LST1: variants seen among roughly 807,000 people sequenced by gnomAD.
The protein encoded by LST1 is leukocyte-specific transcript 1 protein.
A neutral mutation model predicts 8.5 loss-of-function variants in LST1; 9 were observed. The observed-to-expected ratio is 1.06, with a 90% CI of 0.64 to 1.85. LST1 has a LOEUF of 1.85. Ranked by LOEUF, LST1 falls within the 40% of genes most tolerant of loss-of-function variation. The pLI is 0.00. For missense variants in LST1, 121 were observed against 117.1 expected (o/e 1.03, Z -0.16); for synonymous variants, 53 against 50.4 (o/e 1.05, Z -0.21).
chr6:31,588,405 A>T, intron 4 of LST1, 113 bp from the exon 5 acceptor site: 3 of 565,448 alleles, frequency 5.3e-6, no homozygotes, highest in Non-Finnish European at 8.4e-6. Flanking sequence ...AGAGAGAGGG[A>T]GAGAGAGAGA....
chr6:31,586,435 T>G (rs1415330287), intron 1 of LST1, 120 bp downstream of exon 1: 1 of 152,204 alleles, frequency 6.6e-6, no homozygotes, highest in Admixed American at 6.5e-5. Flanking sequence ...CGAGGAATCC[T>G]CTGAGTCTCT....
In LST1 at chr6:31,588,622, C is replaced by T; in HGVS notation, c.240C>T (p.Thr80=). 4 of 1,613,112 alleles carry T rather than the reference C, an allele frequency of 2.5e-6. No individual in the cohort carries two copies. Among genetic ancestry groups the T allele is most frequent in the East Asian group, 2.2e-5 (1 of 44,880 alleles). ...PDLRGRDKRG[T]KEDPRADYAC... ...TCAGGGGCAGAGACAAGAGAGGCACCAAGGAGGATCCAAGAGCTGACTATG... is the reference window on the plus strand; with the variant it reads ...TCAGGGGCAGAGACAAGAGAGGCACTAAGGAGGATCCAAGAGCTGACTATG... Residue 80 remains threonine, a synonymous_variant, in exon 5 of 5, where the codon ACC becomes ACT. Transcript: ENST00000438075.
chr6:31,587,885 G>A (rs970797472), intron 3 of LST1, 59 bp from the exon 4 acceptor site: 31 of 1,581,024 alleles, frequency 2.0e-5, no homozygotes, highest in African/African-American at 6.7e-5. Flanking sequence ...GGGGGAGCCC[G>A]GGAGGGCCCG....
At chr6:31,588,360 GTC>G in intron 4 of LST1, 156 bp from the exon 5 acceptor site, 1 of 775,082 alleles carries the variant, frequency 1.3e-6, no homozygotes, top group Non-Finnish European at 2.1e-6. Flanking sequence ...GTGGGACTCT[GTC>G]TCCAAAGAAA....
Position 31,588,647 on chromosome 6 carries a change from G to A in LST1, c.265G>A (p.Ala89Thr), listed in dbSNP as rs367776706. The A allele has an allele frequency of 2.9e-5, 46 of 1,613,166 alleles. 1 individual carries two copies. The highest frequency in any genetic ancestry group is 3.3e-4 in the Middle Eastern group (2 of 6,062). The change falls in exon 5 of 5, where the codon GCC (alanine) becomes ACC (threonine). Residue 89 changes from alanine (A) to threonine (T), a missense_variant. Physicochemically the swap from Ala to Thr is moderately conservative, Grantham distance 58. Transcript: ENST00000438075. Reference sequence around the variant, plus strand: ...CAAGGAGGATCCAAGAGCTGACTATGCCTGCATTGCTGAGAACAAACCCAC... The same window carrying A: ...CAAGGAGGATCCAAGAGCTGACTATACCTGCATTGCTGAGAACAAACCCAC... Reference protein sequence around the residue: ...GTKEDPRADYACIAENKPT With the variant: ...GTKEDPRADYTCIAENKPT
chr6:31,587,675 G>T lies in LST1; in HGVS notation c.54G>T (p.Gly18=). The T allele has an allele frequency of 1.2e-6, 2 of 1,603,454 alleles. No individual in the cohort carries two copies. Among genetic ancestry groups the T allele is most frequent in the South Asian group, 1.1e-5 (1 of 89,354 alleles). The change falls in exon 3 of 5, where the codon GGG becomes GGT. Residue 18 remains glycine, a synonymous_variant. Transcript: ENST00000438075. The part of the protein sequence containing the change: ...ICIYGGLGLG[G]LLLLAVVLLS... Reference sequence around the variant, plus strand: ...TCTACGGGGGCCTGGGGCTGGGCGGGCTCCTGCTTCTGGCAGTGGTCCTTC... The same window carrying T: ...TCTACGGGGGCCTGGGGCTGGGCGGTCTCCTGCTTCTGGCAGTGGTCCTTC...
Position 31,588,701 on chromosome 6 carries a change from C to T in LST1, c.*25C>T, listed in dbSNP as rs759133590. 3 of 1,612,966 alleles carry T rather than the reference C, an allele frequency of 1.9e-6. No homozygotes were observed. The highest frequency in any genetic ancestry group is 2.2e-5 in the South Asian group (2 of 91,082). ...AGCACCCCAGACACCTTCCTCAACC[C>T]AGGCGGGTGGACAGGGTCCCCCTGT... On this transcript the variant is annotated 3_prime_UTR_variant, in exon 5 of 5. Transcript: ENST00000438075.
In LST1 at chr6:31,588,809, C is replaced by T; in HGVS notation, c.*133C>T. 1.9e-6 allele frequency: 2 copies of T among 1,054,130 alleles called. No homozygotes were observed. The highest frequency in any genetic ancestry group is 2.9e-6 in the Non-Finnish European group (2 of 691,766). 65.3% of individuals were successfully genotyped at this position (1,054,130 alleles called of 1,614,324 possible). On this transcript the variant is annotated 3_prime_UTR_variant, in exon 5 of 5. Transcript: ENST00000438075. ...ATCTCGAGCCTCCGTTCAAATTGAT[C>T]ATCATCAAAACTTATGTGGCTTTTT...
intron 1 of LST1, among the ~76,000 whole-genome samples, 176 bp downstream of exon 1, chr6:31,586,491 C>T (rs1039646128): frequency 6.6e-6 from 1 of 152,194 alleles, no homozygotes; most frequent in African/African-American, 2.4e-5. Flanking sequence ...GCCCACGGCC[C>T]TTATGGCCTC....
Position 31,588,403 on chromosome 6 carries a change from G to GGAGAGAGA in LST1, c.136-103_136-96dup, listed in dbSNP as rs71663687. 7.0e-5 allele frequency: 38 copies of GGAGAGAGA among 541,760 alleles called. No homozygotes were observed. The Admixed American group carries it at 1.2e-3, about 17-fold the overall frequency. 33.6% of individuals were successfully genotyped at this position (541,760 alleles called of 1,614,324 possible). On this transcript the variant is annotated intron_variant, in intron 4 of 4. Transcript: ENST00000438075. ...GAGAGAGAGAGAGAGAGAGAGAGAG[G>GGAGAGAGA]GAGAGAGAGAGAGAGAGAGGGAGAG...
chr6:31,587,481 A>T (rs1160361833), intron 2 of LST1, 160 bp from the exon 3 acceptor site: 1 of 899,854 alleles, frequency 1.1e-6, no homozygotes, highest in Non-Finnish European at 1.8e-6. Context: ...ACCTGGTAAG[A>T]GGTGAGGTAT....
chr6:31,588,369 G>GAA (rs968047516), intron 4 of LST1, 149 bp from the exon 5 acceptor site: 4 of 772,730 alleles, frequency 5.2e-6, no homozygotes, highest in Admixed American at 6.2e-5. Flanking sequence ...TGTCTCCAAA[G>GAA]AAAAAAGAGA....
In LST1 at chr6:31,587,686, T is replaced by G. The variant is rs1384545474; in HGVS notation, c.65T>G (p.Leu22Arg). Residue 22 changes from leucine (L) to arginine (R), a missense_variant, in exon 3 of 5, where the codon CTG becomes CGG. Leu to Arg is a moderately radical substitution (Grantham distance 102). Coordinates refer to ENST00000438075, the MANE Select transcript of LST1 (RefSeq NM_205839.3). ...CTGGGGCTGGGCGGGCTCCTGCTTC[T>G]GGCAGTGGTCCTTCTGTCCGCCTGC... Reference protein sequence around the residue: ...GGLGLGGLLLLAVVLLSACLC... With the variant: ...GGLGLGGLLLRAVVLLSACLC... 1 of 1,601,696 alleles carries G rather than the reference T, an allele frequency of 6.2e-7. No homozygotes were observed. The highest frequency in any genetic ancestry group is 8.5e-7 in the Non-Finnish European group (1 of 1,175,456).
intron 2 of LST1, 107 bp downstream of exon 2, chr6:31,587,425 G>T: frequency 6.0e-6 from 8 of 1,336,772 alleles, no homozygotes; most frequent in Non-Finnish European, 8.6e-6. Context: ...AGGCCTCTGG[G>T]GACAGCTGGT....
intron 2 of LST1, 46 bp downstream of exon 2, chr6:31,587,364 C>G: frequency 6.2e-7 from 1 of 1,605,714 alleles, no homozygotes; most frequent in Non-Finnish European, 8.5e-7. Context: ...GTCCTGGGAG[C>G]TTAGGAAGTG....
intron 3 of LST1, 68 bp from the exon 4 acceptor site, chr6:31,587,876 G>GGGGGGCCC: frequency 6.3e-7 from 1 of 1,575,092 alleles, no homozygotes; most frequent in Non-Finnish European, 8.6e-7. Context: ...CTGCTGGTGG[G>GGGGGGCCC]GGGAGCCCGG....
intron 2 of LST1, 104 bp downstream of exon 2, chr6:31,587,422 TG>T (rs1042491021): frequency 7.5e-7 from 1 of 1,334,302 alleles, no homozygotes; most frequent in Non-Finnish European, 1.1e-6. Flanking sequence ...GACAGGCCTC[TG>T]GGGACAGCTG....
Position 31,587,310 on chromosome 6 carries a change from G to T in LST1, c.11G>T (p.Arg4Leu), listed in dbSNP as rs143895001. 6.2e-7 allele frequency: 1 copy of T among 1,613,044 alleles called. No individual in the cohort carries two copies. The highest frequency in any genetic ancestry group is 1.1e-5 in the South Asian group (1 of 91,054). MLS[R>L]NDDICIYGGL... ...CTGATCCCTGACCTAATGTTATCGCGGAATGATGGTAAGTAAAGTGTCTCT... is the reference window on the plus strand; with the variant it reads ...CTGATCCCTGACCTAATGTTATCGCTGAATGATGGTAAGTAAAGTGTCTCT... The change falls in exon 2 of 5, where the codon CGG becomes CTG. Residue 4 changes from arginine to leucine, a missense_variant. Arg to Leu is a moderately radical substitution (Grantham distance 102). Transcript: ENST00000438075.
In LST1 at chr6:31,588,849, GAATTTTTTA is replaced by G; in HGVS notation, c.*185_*193del. The G allele has an allele frequency of 1.1e-6, 1 of 893,586 alleles. No homozygotes were observed. The highest frequency in any genetic ancestry group is 2.7e-5 in the East Asian group (1 of 37,306). The allele number at this position is 893,586 out of a possible 1,614,324, so 55.4% of individuals were successfully genotyped here. A position where few individuals can be genotyped will look rare whatever the true frequency, so the allele number is the denominator to read the frequency against. On this transcript the variant is annotated 3_prime_UTR_variant, in exon 5 of 5. Coordinates refer to ENST00000438075, the MANE Select transcript of LST1 (RefSeq NM_205839.3). ...TGTGGCTTTTTGACCTTTGAATAGGGAATTTTTTAAATTTTTTAAAAATTAAAATAAAAA... is the reference window on the plus strand; with the variant it reads ...TGTGGCTTTTTGACCTTTGAATAGGGAATTTTTTAAAAATTAAAATAAAAA...
Sources: gnomAD v4.1 joint callset for allele counts (sites outside exome capture counted in the v4.1 genomes callset) on GRCh38, gnomAD v4.1.1 for gene constraint, MANE v1.5 for transcripts, NCBI Gene and HGNC (gene_info 2026-07-23, HGNC 2026-07-21) for gene names.